Variants in ARFGEF1 observed in about 807,000 individuals in gnomAD.
The protein encoded by ARFGEF1 is ARF guanine nucleotide exchange factor 1, also known as brefeldin A-inhibited guanine nucleotide-exchange protein 1.
ARFGEF1 carries 42 observed loss-of-function variants against 231.0 expected under a neutral mutation model. The ratio of observed to expected loss-of-function variants is 0.18; its 90% CI spans 0.14 to 0.24. The LOEUF (loss-of-function observed/expected upper bound fraction) is 0.24, where lower values mean the gene tolerates loss of function less well. Ranked by LOEUF, ARFGEF1 falls within the 10% of genes least tolerant of loss-of-function variation. The probability of loss-of-function intolerance (pLI) is 1.00; values close to 1 mark genes in which losing one functional copy is unlikely to be tolerated. For synonymous variants in ARFGEF1, 710 were observed against 732.3 expected (o/e 0.97, Z 0.49); for missense variants, 1,345 against 2,192.0 (o/e 0.61, Z 7.72).
At chr8:67,293,125 G>A (rs1267869681) in intron 5 of ARFGEF1, among the ~76,000 whole-genome samples, 3 of 152,042 alleles carry the variant, frequency 2.0e-5, no homozygotes, top group East Asian at 1.9e-4. Flanking sequence ...AAGTTAAGTC[G>A]TCTGTATCCC....
At chr8:67,187,047 T>C (rs1469311125) in intron 5 of ARFGEF1, among the ~76,000 whole-genome samples, 1 of 152,076 alleles carries the variant, frequency 6.6e-6, no homozygotes, top group Non-Finnish European at 1.5e-5. Flanking sequence ...TGAGGAAAAC[T>C]ACAAAACTGA....
intron 34 of ARFGEF1, among the ~76,000 whole-genome samples, chr8:67,208,418 C>T (rs569559855): frequency 1.1e-4 from 16 of 152,124 alleles, no homozygotes; most frequent in Middle Eastern, 3.4e-3. Flanking sequence ...TCACTTGAGG[C>T]CCAGAGTTTG....
intron 34 of ARFGEF1, 28 bp downstream of exon 34, chr8:67,211,455 T>C: frequency 2.0e-6 from 3 of 1,518,672 alleles, no homozygotes; most frequent in Non-Finnish European, 2.7e-6. Context: ...AAAACACAAA[T>C]TTATTTTTAT....
intron 1 of ARFGEF1, among the ~76,000 whole-genome samples, chr8:67,317,136 A>G (rs993617690): frequency 6.6e-6 from 1 of 152,150 alleles, no homozygotes; most frequent in Admixed American, 6.5e-5. Context: ...ACGACACAAA[A>G]GCTTTGCGTC....
rs62513140 is a variant in ARFGEF1, at chr8:67,305,314, G to A, written c.125-2848C>T. 4.7e-3 allele frequency among the ~76,000 whole-genome samples: 722 copies of A among 152,296 alleles called. 3 individuals are homozygous for A. Among genetic ancestry groups the A allele is most frequent in the Middle Eastern group, 0.01 (3 of 294 alleles). ...GAACATCTGCAATCAACTTGATAGG[G>A]AAACTAAGGATCAGAATAAATAATG... On this transcript the variant is annotated intron_variant, in intron 1 of 38. Transcript: ENST00000262215.
intron 23 of ARFGEF1, 30 bp downstream of exon 23, chr8:67,232,825 T>C (rs1450696851): frequency 4.6e-6 from 7 of 1,517,644 alleles, no homozygotes; most frequent in African/African-American, 1.4e-5. Context: ...ATAGTAATCA[T>C]CTGAAAAGGG....
chr8:67,250,951 A>G (rs1205617225), intron 19 of ARFGEF1, among the ~76,000 whole-genome samples: 1 of 152,226 alleles, frequency 6.6e-6, no homozygotes, highest in African/African-American at 2.4e-5. Context: ...TAAAGAAAAC[A>G]AGAGCCTCAT....
At chr8:67,184,083 C>T (rs946278105) in intron 5 of ARFGEF1, among the ~76,000 whole-genome samples, 1 of 152,056 alleles carries the variant, frequency 6.6e-6, no homozygotes, top group African/African-American at 2.4e-5. Context: ...GAACTCCTGA[C>T]CTCAGGTGAT....
intron 6 of ARFGEF1, among the ~76,000 whole-genome samples, chr8:67,290,236 T>C (rs1380407188): frequency 2.0e-5 from 3 of 152,212 alleles, no homozygotes; most frequent in Admixed American, 1.3e-4. Flanking sequence ...TCTACAGCGG[T>C]ACCTCACACA....
At chr8:67,188,053 G>A (rs1468453574) in intron 5 of ARFGEF1, among the ~76,000 whole-genome samples, 1 of 152,290 alleles carries the variant, frequency 6.6e-6, no homozygotes, top group East Asian at 1.9e-4. Flanking sequence ...TTTAAAACCT[G>A]CTCTGCTCTA....
At chr8:67,175,108 G>A (rs1252965482), downstream of ARFGEF1, 1 of 573,102 alleles carries the variant, frequency 1.7e-6, no homozygotes, top group Non-Finnish European at 3.1e-6. Context: ...ACTTATTAAA[G>A]AATATTAATT....
intron 1 of ARFGEF1, among the ~76,000 whole-genome samples, chr8:67,322,860 A>C (rs534671814): frequency 1.2e-4 from 18 of 152,318 alleles, no homozygotes; most frequent in East Asian, 9.6e-4. Context: ...TATCTCCTTC[A>C]ATCTGCTCCT....
At chr8:67,204,553 G>T in intron 35 of ARFGEF1, 127 bp downstream of exon 35, 1 of 1,150,936 alleles carries the variant, frequency 8.7e-7, no homozygotes, top group Non-Finnish European at 1.2e-6. Context: ...CCAGTCTCAT[G>T]GTTTAAAAGG....
chr8:67,308,375 G>C (rs1176840464), intron 1 of ARFGEF1, among the ~76,000 whole-genome samples: 9 of 152,208 alleles, frequency 5.9e-5, no homozygotes, highest in Admixed American at 5.9e-4. Context: ...AAATGGGAGA[G>C]ACAGCTACCT....
In ARFGEF1 at chr8:67,185,740, AGAT is replaced by A. The variant is rs141385240; in HGVS notation, c.561-10171_561-10169del. Among the ~76,000 whole-genome samples, 1,305 of 152,272 alleles carry A rather than the reference AGAT, an allele frequency of 8.6e-3. 16 individuals are homozygous for A. The highest frequency in any genetic ancestry group is 0.03 in the African/African-American group (1,226 of 41,552). On this transcript the variant is annotated intron_variant, in intron 5 of 5. Transcript: ENST00000518789. Reference sequence around the variant, plus strand: ...AACTTGCTGCTGCTGAAGATGATGAAGATGATGATGATGAGTTTGATGATGAGG... The same window carrying A: ...AACTTGCTGCTGCTGAAGATGATGAAGATGATGATGAGTTTGATGATGAGG...
chr8:67,194,288 A>G (rs140095295), downstream of ARFGEF1, among the ~76,000 whole-genome samples: 118 of 152,332 alleles, frequency 7.7e-4, 1 homozygote, highest in African/African-American at 2.7e-3. Flanking sequence ...AATACTCTTT[A>G]GTCTGTTAAT....
chr8:67,222,178 T>TAC (rs202006835), intron 29 of ARFGEF1, among the ~76,000 whole-genome samples: 37 of 112,440 alleles, frequency 3.3e-4, no homozygotes, highest in Non-Finnish European at 4.0e-4. Context: ...TATATATATA[T>TAC]ACACATATAT....
At chr8:67,275,268 A>G (rs1440325257) in intron 9 of ARFGEF1, among the ~76,000 whole-genome samples, 2 of 152,080 alleles carry the variant, frequency 1.3e-5, no homozygotes, top group Admixed American at 6.6e-5. Context: ...GGCGACTCAT[A>G]TAACTTCCAA....
chr8:67,256,616 T>C (rs1193193166), intron 17 of ARFGEF1, among the ~76,000 whole-genome samples: 2 of 152,194 alleles, frequency 1.3e-5, no homozygotes, highest in Non-Finnish European at 2.9e-5. Flanking sequence ...ATCAGATACC[T>C]ACCCCTAGAA....
Sources: allele counts gnomAD v4.1 joint callset (sites outside exome capture counted in the v4.1 genomes callset), GRCh38; gene constraint gnomAD v4.1.1; transcripts MANE v1.5; gene names NCBI Gene and HGNC (gene_info 2026-07-23, HGNC 2026-07-21).